Variants in LITAF observed in about 807,000 individuals in gnomAD.
LITAF encodes the protein lipopolysaccharide induced TNF factor.
Under a neutral mutation model 14.5 loss-of-function variants are expected in LITAF, and 9 were observed. The ratio of observed to expected loss-of-function variants is 0.62; its 90% confidence interval spans 0.37 to 1.08. The LOEUF is 1.08. Among genes scored for constraint, LITAF ranks in the 50% least tolerant of loss-of-function variants. LITAF has a pLI of 0.01. For synonymous variants in LITAF, 98 were observed against 88.2 expected, an observed-to-expected ratio of 1.11 and a Z score of -0.62; for missense variants, 206 against 213.4, an observed-to-expected ratio of 0.97 and a Z score of 0.22.
At chr16:11,560,532 G>A (rs1200629302) in intron 1 of LITAF, among the ~76,000 whole-genome samples, 4 of 150,466 alleles carry the variant, frequency 2.7e-5, no homozygotes, top group African/African-American at 9.8e-5. Flanking sequence ...GCAGCGAGCT[G>A]AGATCACACC....
At chr16:11,570,900 A>C (rs1330073942) in intron 1 of LITAF, among the ~76,000 whole-genome samples, 2 of 152,108 alleles carry the variant, frequency 1.3e-5, no homozygotes, top group Non-Finnish European at 2.9e-5. Flanking sequence ...CCTGGGCAAC[A>C]GAGCAAGACC....
At chr16:11,614,431 C>T (rs2065004202) in intron 3 of LITAF, among the ~76,000 whole-genome samples, 1 of 151,348 alleles carries the variant, frequency 6.6e-6, no homozygotes, top group African/African-American at 2.4e-5. Flanking sequence ...TCCCAAGTAG[C>T]TGGGATTATA....
chr16:11,562,753 C>T (rs954086519), intron 1 of LITAF, among the ~76,000 whole-genome samples: 2 of 151,988 alleles, frequency 1.3e-5, no homozygotes, highest in South Asian at 2.1e-4. Context: ...AAAAATTAGC[C>T]GGGCGTTATG....
At chr16:11,608,896 G>A (rs951802446) in intron 3 of LITAF, among the ~76,000 whole-genome samples, 3 of 152,186 alleles carry the variant, frequency 2.0e-5, no homozygotes, top group African/African-American at 7.2e-5. Context: ...TCAGGAGGCA[G>A]AGGTTGTAGT....
chr16:11,595,815 C>T (rs1430364283), intron 1 of LITAF, among the ~76,000 whole-genome samples: 3 of 152,190 alleles, frequency 2.0e-5, no homozygotes, highest in Non-Finnish European at 4.4e-5. Context: ...TAGCAAATGC[C>T]TGTTGGTCAT....
Position 11,605,689 on chromosome 16 carries a change from C to T in LITAF, c.85+27844G>A, listed in dbSNP as rs1218454337. On this transcript the variant is annotated intron_variant, in intron 3 of 3. Transcript: ENST00000574848. The surrounding 1 kb of genome is among the most constrained non-coding windows in gnomAD (Gnocchi z 4.7). ...GCCAAGGCAGGAGGATCGCTGGAGG[C>T]CAGGAGTTCGAAGCTGCAGTGAGCT... 1.3e-5 allele frequency among the ~76,000 whole-genome samples: 2 copies of T among 152,128 alleles called. No homozygotes were observed. The highest frequency in any genetic ancestry group is 4.8e-5 in the African/African-American group (2 of 41,418).
rs891799034 is a variant in LITAF at position 11,632,271 on chromosome 16, C to T, written c.85+1262G>A. 1.2e-4 allele frequency among the ~76,000 whole-genome samples: 19 copies of T among 152,100 alleles called. No homozygotes were observed. In the East Asian group the frequency reaches 3.1e-3, roughly 25 times the overall value. On this transcript the variant is annotated intron_variant, in intron 3 of 3. Transcript: ENST00000574848. This position sits in a 1 kb window ranked among gnomAD's most constrained non-coding sequence, Gnocchi z 4.8. The stretch of plus-strand genomic sequence containing the variant: ...GTCATTATCAAGTAACTACAGCTGC[C>T]GTGGGGAACAGGATTAGGCAATCCG...
chr16:11,611,011 G>A (rs535173099), intron 3 of LITAF, among the ~76,000 whole-genome samples: 6 of 152,006 alleles, frequency 3.9e-5, no homozygotes, highest in South Asian at 2.1e-4. Context: ...AGGAGAAGGC[G>A]CCTAAAAATC....
rs143354127 is a variant in LITAF, at chr16:11,594,052, G to A, written c.-6+4336C>T. Among the ~76,000 whole-genome samples, 38 of 152,118 alleles carry A rather than the reference G, an allele frequency of 2.5e-4. No homozygotes were observed. The East Asian group carries it at 7.4e-3, about 29-fold the overall frequency. Reference sequence around the variant, plus strand: ...TATACAAAAATTATCCAGGCATGGTGGCGCACAGCTATAGTCCCAGCTACT... The same window carrying A: ...TATACAAAAATTATCCAGGCATGGTAGCGCACAGCTATAGTCCCAGCTACT... On this transcript the variant is annotated intron_variant, in intron 1 of 3. Transcript: ENST00000571627.
upstream of LITAF, among the ~76,000 whole-genome samples, chr16:11,602,588 C>T (rs150426964): frequency 1.1e-3 from 163 of 152,080 alleles, no homozygotes; most frequent in African/African-American, 3.7e-3. Context: ...TGGGTTATGA[C>T]GAGCCACCTT....
At chr16:11,571,993 G>T (rs1455481891) in intron 1 of LITAF, among the ~76,000 whole-genome samples, 1 of 152,084 alleles carries the variant, frequency 6.6e-6, no homozygotes, top group Non-Finnish European at 1.5e-5. Context: ...CAGGGCTGAG[G>T]TGGGAGAATC....
intron 3 of LITAF, among the ~76,000 whole-genome samples, chr16:11,620,943 T>A (rs1249750077): frequency 6.6e-6 from 1 of 152,258 alleles, no homozygotes; most frequent in East Asian, 1.9e-4. Context: ...TTGCCCAGGC[T>A]GGAGTGCAGT....
chr16:11,549,568 G>A lies in LITAF; in HGVS notation c.*69C>T, dbSNP rs749467763. ...ACCACCAGGGCAGAACCTCCACCAG[G>A]CGTGAAGCTGGATGAGAGGTGGAAA... On this transcript the variant is annotated 3_prime_UTR_variant, in exon 4 of 4. Transcript: ENST00000622633. This position sits in a 1 kb window ranked among gnomAD's most constrained non-coding sequence, Gnocchi z 4.6. 3 of 1,168,228 alleles carry A rather than the reference G, an allele frequency of 2.6e-6. No individual in the cohort carries two copies. Among genetic ancestry groups the A allele is most frequent in the South Asian group, 2.6e-5 (2 of 77,008 alleles). The allele number at this position is 1,168,228 out of a possible 1,614,324, so 72.4% of individuals were successfully genotyped here. A position where few individuals can be genotyped will look rare whatever the true frequency, so the allele number is the denominator to read the frequency against.
At position 11,553,266 on chromosome 16, in the gene LITAF, C is replaced by T. The variant is rs2064209316; in HGVS notation, c.377+267G>A. Reference sequence around the variant, plus strand: ...AAATGCCAGCTCTACTAAAAATAAGCTGGGCGTGGTTGTGCACCCCTATAA... The same window carrying T: ...AAATGCCAGCTCTACTAAAAATAAGTTGGGCGTGGTTGTGCACCCCTATAA... On this transcript the variant is annotated intron_variant, in intron 3 of 3. Coordinates refer to ENST00000622633, the MANE Select transcript of LITAF (RefSeq NM_001136472.2). The surrounding 1 kb of genome is among the most constrained non-coding windows in gnomAD (Gnocchi z 7.7). 1.3e-5 allele frequency among the ~76,000 whole-genome samples: 2 copies of T among 152,086 alleles called. No individual in the cohort carries two copies.
At position 11,548,125 on chromosome 16, in the gene LITAF, G is replaced by C; in HGVS notation, c.*1512C>G. 2 of 454,058 alleles carry C rather than the reference G, an allele frequency of 4.4e-6. No individual in the cohort carries two copies. The highest frequency in any genetic ancestry group is 3.1e-5 in the South Asian group (2 of 64,478). The allele number at this position is 454,058 out of a possible 1,614,324, so 28.1% of individuals were successfully genotyped here. A position where few individuals can be genotyped will look rare whatever the true frequency, so the allele number is the denominator to read the frequency against. On this transcript the variant is annotated 3_prime_UTR_variant, in exon 4 of 4. Transcript: ENST00000622633. The stretch of plus-strand genomic sequence containing the variant: ...AAACATCAAATGAAGGGGGATCAAT[G>C]GTTACCACTATCGTTTTCAACCAAT...
At chr16:11,614,877 T>C (rs1201424763) in intron 3 of LITAF, among the ~76,000 whole-genome samples, 2 of 152,254 alleles carry the variant, frequency 1.3e-5, no homozygotes, top group African/African-American at 4.8e-5. Context: ...AGCTCTGTTC[T>C]AGACGGCAGG....
upstream of LITAF, chr16:11,587,391 C>T: frequency 4.4e-6 from 2 of 454,004 alleles, no homozygotes; most frequent in South Asian, 1.6e-5. Context: ...GGCGGCCCTT[C>T]TCTTCCTGTA....
chr16:11,601,950 C>A (rs1036777900), upstream of LITAF, among the ~76,000 whole-genome samples: 3 of 152,110 alleles, frequency 2.0e-5, no homozygotes, highest in Non-Finnish European at 4.4e-5. Flanking sequence ...TGCTCCTGTG[C>A]CTGGATGGGA....
At chr16:11,618,753 G>C (rs530176751) in intron 3 of LITAF, among the ~76,000 whole-genome samples, 1 of 152,230 alleles carries the variant, frequency 6.6e-6, no homozygotes, top group Non-Finnish European at 1.5e-5. Flanking sequence ...AGGAGACCGA[G>C]GCGGGCGGAT....
Sources: allele counts gnomAD v4.1 joint callset (sites outside exome capture counted in the v4.1 genomes callset), GRCh38; gene constraint gnomAD v4.1.1; non-coding constraint Gnocchi (gnomAD v3.1); transcripts MANE v1.5; gene names NCBI Gene and HGNC (gene_info 2026-07-23, HGNC 2026-07-21).